Variants in ZNF684 observed in about 807,000 individuals in gnomAD.
The protein encoded by ZNF684 is hypothetical protein MGC27466.
ZNF684 carries 13 observed loss-of-function variants against 12.8 expected under a neutral mutation model. The ratio of observed to expected loss-of-function variants is 1.02; its 90% CI spans 0.66 to 1.62. ZNF684 has a LOEUF of 1.62. Ranked by LOEUF, ZNF684 falls within the 40% of genes most tolerant of loss-of-function variation. The probability of loss-of-function intolerance (pLI) is 0.00; values close to 1 mark genes in which losing one functional copy is unlikely to be tolerated. For synonymous variants in ZNF684, 118 were observed against 151.8 expected (o/e 0.78, Z 1.64); for missense variants, 384 against 446.9 (o/e 0.86, Z 1.27).
intron 2 of ZNF684, among the ~76,000 whole-genome samples, chr1:40,540,005 C>G (rs1391113956): frequency 6.6e-6 from 1 of 152,068 alleles, no homozygotes; most frequent in African/African-American, 2.4e-5. Flanking sequence ...ATTCTAGATA[C>G]AAGCCTCTTA....
rs1172766011 is a variant in ZNF684, at chr1:40,546,612, GAC to G, written c.291_292del (p.Asp97GlufsTer12). Reference protein sequence around the residue: ...DEPGKHRESKDNFLKSVLLTF... With the variant: ...DEPGKHRESKXNFLKSVLLTF... ...ACCAGGGAAGCATCGGGAAAGCAAA[GAC>G]AATTTTTTGAAGTCAGTTTTGCTCA... is the stretch of plus-strand genomic sequence containing the variant. On this transcript the variant is annotated frameshift_variant, in exon 5 of 5. Coordinates refer to ENST00000372699, the MANE Select transcript of ZNF684 (RefSeq NM_152373.4). LOFTEE classifies it low-confidence loss of function (END_TRUNC). 1.3e-6 allele frequency: 2 copies of G among 1,587,286 alleles called. No individual in the cohort carries two copies. Among genetic ancestry groups the G allele is most frequent in the African/African-American group, 1.4e-5 (1 of 73,514 alleles).
chr1:40,539,698 A>G (rs1255367402), intron 2 of ZNF684, among the ~76,000 whole-genome samples: 1 of 152,042 alleles, frequency 6.6e-6, no homozygotes, highest in Non-Finnish European at 1.5e-5. Flanking sequence ...GCATTTCACT[A>G]ATGACTAATA....
In ZNF684 at chr1:40,540,699, C is replaced by A; in HGVS notation, c.129C>A (p.Asn43Lys). 6.2e-7 allele frequency: 1 copy of A among 1,605,642 alleles called. No individual in the cohort carries two copies. Among genetic ancestry groups the A allele is most frequent in the Non-Finnish European group, 8.5e-7 (1 of 1,176,068 alleles). The change falls in exon 3 of 5, where the codon AAC (asparagine) becomes AAA (lysine). Residue 43 changes from asparagine to lysine, a missense_variant. Asn to Lys is a moderately conservative substitution (Grantham distance 94). Transcript: ENST00000372699. ...ATGTGATGTTGGAGAACTATAGAAA[C>A]CTCATCTCAGTGGGTAAGGACAATG... ...YWDVMLENYR[N>K]LISVGCPITK...
intron 4 of ZNF684, among the ~76,000 whole-genome samples, chr1:40,543,617 C>T (rs1570113062): frequency 6.6e-6 from 1 of 152,216 alleles, no homozygotes; most frequent in Non-Finnish European, 1.5e-5. Context: ...CCACCACACC[C>T]AGCTAATTTT....
At chr1:40,540,835 A>G (rs915056271) in intron 3 of ZNF684, 123 bp downstream of exon 3, 54 of 1,014,352 alleles carry the variant, frequency 5.3e-5, no homozygotes, top group Non-Finnish European at 7.0e-5. Context: ...GCACTTTGGG[A>G]GGCAGGAGAA....
intron 2 of ZNF684, among the ~76,000 whole-genome samples, chr1:40,536,546 G>C (rs1645986566): frequency 6.9e-6 from 1 of 145,734 alleles, no homozygotes; most frequent in African/African-American, 2.5e-5. Context: ...AAGTTTTAGG[G>C]TACATGTGCA....
intron 4 of ZNF684, among the ~76,000 whole-genome samples, chr1:40,544,110 G>A (rs72937527): frequency 0.15 from 22,443 of 151,264 alleles, 1,849 homozygotes; most frequent in Middle Eastern, 0.25. Context: ...TGTGGGGGAT[G>A]TTTCTTTTTT....
chr1:40,532,358 C>CTTTTTT (rs3082563), intron 1 of ZNF684, among the ~76,000 whole-genome samples: 1 of 143,718 alleles, frequency 7.0e-6, no homozygotes, highest in African/African-American at 2.5e-5. Flanking sequence ...CTCCAAATTT[C>CTTTTTT]TTTTTTTTTT....
chr1:40,545,136 A>G (rs1318955009), intron 4 of ZNF684: 1 of 152,276 alleles, frequency 6.6e-6, no homozygotes, highest in Non-Finnish European at 1.5e-5. Context: ...TAGAGCGGAA[A>G]GAAGAAAGGA....
chr1:40,533,018 C>A (rs1448274573), intron 1 of ZNF684, 125 bp from the exon 2 acceptor site: 2 of 654,082 alleles, frequency 3.1e-6, no homozygotes, highest in African/African-American at 1.8e-5. Context: ...CATTCTCCCC[C>A]ACTAGGTGGC....
chr1:40,547,064 A>C lies in ZNF684; in HGVS notation c.741A>C (p.Gln247His). 1 of 1,614,214 alleles carries C rather than the reference A, an allele frequency of 6.2e-7. No homozygotes were observed. The stretch of plus-strand genomic sequence containing the variant: ...GAGAGAAGCCTTATGAGTGCAGTCA[A>C]TGTGGGAAAACATTCACTTGGAACT... ...HTGEKPYECS[Q>H]CGKTFTWNSS... Residue 247 changes from glutamine (Q) to histidine (H), a missense_variant, in exon 5 of 5, where the codon CAA becomes CAC. Transcript: ENST00000372699.
At chr1:40,533,730 T>C (rs536755608) in intron 2 of ZNF684, among the ~76,000 whole-genome samples, 57 of 152,244 alleles carry the variant, frequency 3.7e-4, no homozygotes, top group African/African-American at 1.2e-3. Context: ...TTCCAGTCTC[T>C]AGCTATCCTG....
chr1:40,540,016 T>G (rs1557609084), intron 2 of ZNF684, among the ~76,000 whole-genome samples: 1 of 152,204 alleles, frequency 6.6e-6, no homozygotes, highest in African/African-American at 2.4e-5. Context: ...AAGCCTCTTA[T>G]CAGATATATG....
At chr1:40,543,417 C>T (rs963207217) in intron 4 of ZNF684, among the ~76,000 whole-genome samples, 2 of 150,042 alleles carry the variant, frequency 1.3e-5, no homozygotes, top group Non-Finnish European at 3.0e-5. Context: ...TTTTTTATTC[C>T]ATGGAAATTG....
intron 1 of ZNF684, 86 bp from the exon 2 acceptor site, chr1:40,533,045 GTGTGGGTACTTA>G (rs1426542972): frequency 1.1e-6 from 1 of 938,848 alleles, no homozygotes; most frequent in Non-Finnish European, 1.6e-6. Context: ...TGAGGCTGCA[GTGTGGGTACTTA>G]TGGTCTGATA....
intron 2 of ZNF684, among the ~76,000 whole-genome samples, chr1:40,535,178 G>T (rs1398998686): frequency 6.6e-6 from 1 of 151,916 alleles, no homozygotes; most frequent in East Asian, 1.9e-4. Flanking sequence ...CATTGCAATG[G>T]CCAGGACTTC....
intron 1 of ZNF684, among the ~76,000 whole-genome samples, chr1:40,532,449 T>C (rs1645962989): frequency 6.6e-6 from 1 of 151,496 alleles, no homozygotes; most frequent in Non-Finnish European, 1.5e-5. Flanking sequence ...GCTGAGTAAA[T>C]TTCGATTTGT....
intron 4 of ZNF684, among the ~76,000 whole-genome samples, chr1:40,543,225 C>T (rs1298771699): frequency 1.3e-5 from 2 of 152,172 alleles, no homozygotes; most frequent in Admixed American, 6.5e-5. Flanking sequence ...TTACAAATTA[C>T]ATTCTATTTT....
At chr1:40,542,594 G>A (rs555810009) in intron 4 of ZNF684, among the ~76,000 whole-genome samples, 1 of 152,184 alleles carries the variant, frequency 6.6e-6, no homozygotes, top group East Asian at 1.9e-4. Flanking sequence ...GAAAACTAAA[G>A]TTACTTGTTT....
Sources: gnomAD v4.1 joint callset for allele counts (sites outside exome capture counted in the v4.1 genomes callset) on GRCh38, gnomAD v4.1.1 for gene constraint, MANE v1.5 for transcripts, NCBI Gene and HGNC (gene_info 2026-07-23, HGNC 2026-07-21) for gene names.